Variants in BMPR1B observed in about 807,000 individuals in gnomAD.
BMPR1B encodes bone morphogenetic protein receptor type 1B, also known as bone morphogenetic protein receptor type-1B.
Under a neutral mutation model 59.1 loss-of-function variants are expected in BMPR1B, and 12 were observed. That is an observed-to-expected ratio of 0.20 (90% CI 0.13 to 0.33). The LOEUF (loss-of-function observed/expected upper bound fraction) is 0.33, where lower values mean the gene tolerates loss of function less well. Among genes scored for constraint, BMPR1B ranks in the 10% least tolerant of loss-of-function variants. The probability of loss-of-function intolerance (pLI) is 1.00; values close to 1 mark genes in which losing one functional copy is unlikely to be tolerated. For synonymous variants in BMPR1B, 237 were observed against 207.3 expected (o/e 1.14, Z -1.23); for missense variants, 550 against 610.9 (o/e 0.90, Z 1.05).
intron 3 of BMPR1B, among the ~76,000 whole-genome samples, chr4:95,016,986 T>A (rs1723627794): frequency 6.6e-6 from 1 of 152,102 alleles, no homozygotes; most frequent in Non-Finnish European, 1.5e-5. Flanking sequence ...GAGAAAAGAT[T>A]TATAGTTATT....
chr4:94,945,662 TA>T (rs1378651098), intron 2 of BMPR1B, among the ~76,000 whole-genome samples: 23 of 152,186 alleles, frequency 1.5e-4, no homozygotes, highest in Non-Finnish European at 2.6e-4. Flanking sequence ...CTCAAAATCC[TA>T]GGCTCAAGCA....
intron 4 of BMPR1B, among the ~76,000 whole-genome samples, chr4:95,109,293 A>G (rs1231139331): frequency 6.6e-6 from 1 of 152,154 alleles, no homozygotes; most frequent in Non-Finnish European, 1.5e-5. Flanking sequence ...TGCACAAAGG[A>G]TGTGCAAATG....
chr4:95,128,698 T>C (rs1227485921), intron 8 of BMPR1B, among the ~76,000 whole-genome samples: 1 of 152,230 alleles, frequency 6.6e-6, no homozygotes, highest in Non-Finnish European at 1.5e-5. Flanking sequence ...TTTGTCTACC[T>C]GTTTTGCATT....
At chr4:94,832,025 T>C (rs993346407) in intron 1 of BMPR1B, among the ~76,000 whole-genome samples, 1 of 151,818 alleles carries the variant, frequency 6.6e-6, no homozygotes, top group African/African-American at 2.4e-5. Flanking sequence ...TCATGGTGAG[T>C]TGTATAATTA....
intron 10 of BMPR1B, among the ~76,000 whole-genome samples, chr4:95,146,126 G>GA (rs1224226578): frequency 1.3e-5 from 2 of 152,164 alleles, no homozygotes; most frequent in Non-Finnish European, 2.9e-5. Context: ...TCTTCAGTTG[G>GA]AAAACAGATT....
At chr4:95,065,353 C>G (rs1727721112) in intron 3 of BMPR1B, among the ~76,000 whole-genome samples, 1 of 152,004 alleles carries the variant, frequency 6.6e-6, no homozygotes, top group African/African-American at 2.4e-5. Flanking sequence ...TGAAAATGTT[C>G]TAAAATTATG....
rs367866371 is a variant in BMPR1B at position 94,888,835 on chromosome 4, A to C, written c.-113+12935A>C. On this transcript the variant is annotated intron_variant, in intron 2 of 12. Coordinates refer to ENST00000515059, the MANE Select transcript of BMPR1B (RefSeq NM_001203.3). ...CAATTTTATTGTTAGAAATGCTATTAATGATATACTTCTAATATATCATGA... is the reference window on the plus strand; with the variant it reads ...CAATTTTATTGTTAGAAATGCTATTCATGATATACTTCTAATATATCATGA... 1.9e-4 allele frequency among the ~76,000 whole-genome samples: 29 copies of C among 152,228 alleles called. No homozygotes were observed. The South Asian group carries it at 4.4e-3, about 23-fold the overall frequency.
intron 1 of BMPR1B, among the ~76,000 whole-genome samples, chr4:94,790,606 A>T (rs1046947361): frequency 6.6e-6 from 1 of 152,144 alleles, no homozygotes; most frequent in African/African-American, 2.4e-5. Context: ...GGGGACATTG[A>T]TGGCTTTCCA....
rs905198316 is a variant in BMPR1B, at chr4:94,794,644, C to T, written c.-183+36576C>T. ...ACTTTCACGATATTGATTCTTCCTA[C>T]CCATGAGCATGGAATGTTCTTCCAT... On this transcript the variant is annotated intron_variant, in intron 1 of 12. Transcript: ENST00000515059. 4.6e-5 allele frequency among the ~76,000 whole-genome samples: 7 copies of T among 150,826 alleles called. 1 individual carries two copies. The highest frequency in any genetic ancestry group is 1.7e-4 in the African/African-American group (7 of 40,558).
intron 7 of BMPR1B, 135 bp downstream of exon 7, chr4:95,124,041 G>C: frequency 1.6e-6 from 1 of 643,930 alleles, no homozygotes; most frequent in South Asian, 1.9e-5. Flanking sequence ...AACTGAAAAT[G>C]TCTGTTACTG....
chr4:94,937,492 A>G (rs1443401649), intron 2 of BMPR1B, among the ~76,000 whole-genome samples: 1 of 152,196 alleles, frequency 6.6e-6, no homozygotes, highest in Non-Finnish European at 1.5e-5. Flanking sequence ...ATTGTCATGC[A>G]TTGAATAAAT....
At chr4:94,850,152 C>T (rs1255442458) in intron 1 of BMPR1B, among the ~76,000 whole-genome samples, 1 of 152,038 alleles carries the variant, frequency 6.6e-6, no homozygotes, top group East Asian at 1.9e-4. Context: ...ATAATCCTTC[C>T]TGACTTCATT....
In BMPR1B at chr4:94,925,942, A is replaced by G. The variant is rs565520082; in HGVS notation, c.-113+50042A>G. On this transcript the variant is annotated intron_variant, in intron 2 of 12. Coordinates refer to ENST00000515059, the MANE Select transcript of BMPR1B (RefSeq NM_001203.3). ...TTTCACGCAGCAAAGATTACCTGCA[A>G]GGCACACATTTCTCCTTCCTTCCTC... 5.3e-5 allele frequency among the ~76,000 whole-genome samples: 8 copies of G among 152,020 alleles called. No homozygotes were observed. The East Asian group carries it at 1.4e-3, about 26-fold the overall frequency.
chr4:95,127,106 A>G (rs1486846018), intron 8 of BMPR1B, among the ~76,000 whole-genome samples: 1 of 145,800 alleles, frequency 6.9e-6, no homozygotes, highest in African/African-American at 2.5e-5. Context: ...TGGAATAGTG[A>G]TAATTCTTTA....
Position 95,030,768 on chromosome 4 carries a change from C to T in BMPR1B, c.-18+34634C>T, listed in dbSNP as rs564660921. 1.1e-4 allele frequency among the ~76,000 whole-genome samples: 17 copies of T among 152,190 alleles called. No homozygotes were observed. The East Asian group carries it at 1.4e-3, about 12-fold the overall frequency. On this transcript the variant is annotated intron_variant, in intron 3 of 12. Coordinates refer to ENST00000515059, the MANE Select transcript of BMPR1B (RefSeq NM_001203.3). Reference sequence around the variant, plus strand: ...CAAATAATGAGTGAACTCCCATTCACGATTGCTTCAAAGAGAATAAAATAC... The same window carrying T: ...CAAATAATGAGTGAACTCCCATTCATGATTGCTTCAAAGAGAATAAAATAC...
intron 3 of BMPR1B, among the ~76,000 whole-genome samples, chr4:95,061,110 T>A (rs994759733): frequency 2.6e-4 from 39 of 150,294 alleles, no homozygotes; most frequent in African/African-American, 8.8e-4. Flanking sequence ...AGATAGCTAT[T>A]TCAGAGAGCT....
intron 1 of BMPR1B, among the ~76,000 whole-genome samples, chr4:94,848,373 T>A (rs769596119): frequency 6.6e-5 from 10 of 152,176 alleles, no homozygotes; most frequent in Admixed American, 1.3e-4. Context: ...CTGCTTTGAC[T>A]TTCATGGATT....
chr4:94,778,176 C>G (rs1213878871), intron 1 of BMPR1B, among the ~76,000 whole-genome samples: 1 of 152,136 alleles, frequency 6.6e-6, no homozygotes, highest in Non-Finnish European at 1.5e-5. Flanking sequence ...TTGTAAGCCT[C>G]TTATGCATTC....
chr4:94,908,097 A>AAAAAAAAAAAAAGAAAAAGAAAC (rs1728127298), intron 2 of BMPR1B, among the ~76,000 whole-genome samples: 1 of 143,684 alleles, frequency 7.0e-6, no homozygotes, highest in Non-Finnish European at 1.5e-5. Context: ...AAAAGAAAAA[A>AAAAAAAAAAAAAGAAAAAGAAAC]CAAAAAAAAG....
Sources: gnomAD v4.1 joint callset for allele counts (sites outside exome capture counted in the v4.1 genomes callset) on GRCh38, gnomAD v4.1.1 for gene constraint, MANE v1.5 for transcripts, NCBI Gene and HGNC (gene_info 2026-07-23, HGNC 2026-07-21) for gene names.